Variants in TRIM38 observed in about 807,000 individuals in gnomAD.
The protein encoded by TRIM38 is tripartite motif containing 38.
Under a neutral mutation model 35.8 loss-of-function variants are expected in TRIM38, and 35 were observed. The observed-to-expected ratio is 0.98, with a 90% CI of 0.75 to 1.30. The LOEUF is 1.30. Among genes scored for constraint, TRIM38 ranks in the 50% most tolerant of loss-of-function variants. TRIM38 has a pLI of 0.00. For synonymous variants in TRIM38, 198 were observed against 204.7 expected, an observed-to-expected ratio of 0.97 and a Z score of 0.28; for missense variants, 545 against 556.9, an observed-to-expected ratio of 0.98 and a Z score of 0.21.
At chr6:25,967,727 T>C (rs1250785912) in intron 3 of TRIM38, among the ~76,000 whole-genome samples, 1 of 151,504 alleles carries the variant, frequency 6.6e-6, no homozygotes, top group African/African-American at 2.4e-5. Context: ...TGTAGAGACA[T>C]GGTCTGCCTT....
chr6:25,965,657 G>A (rs1334003221), intron 2 of TRIM38, among the ~76,000 whole-genome samples: 1 of 152,116 alleles, frequency 6.6e-6, no homozygotes, highest in Non-Finnish European at 1.5e-5. Flanking sequence ...TGGGCACGGT[G>A]GCTCATGCCT....
Position 25,966,397 on chromosome 6 carries a change from T to C in TRIM38, c.-126T>C, listed in dbSNP as rs1302775256. 1.0e-6 allele frequency: 1 copy of C among 979,284 alleles called. No individual in the cohort carries two copies. The highest frequency in any genetic ancestry group is 1.5e-6 in the Non-Finnish European group (1 of 687,716). The allele number at this position is 979,284 out of a possible 1,614,324, so 60.7% of individuals were successfully genotyped here. A position where few individuals can be genotyped will look rare whatever the true frequency, so the allele number is the denominator to read the frequency against. On this transcript the variant is annotated 5_prime_UTR_variant, in exon 3 of 8. It removes an upstream start codon present in the reference 5' UTR. Coordinates refer to ENST00000357085, the MANE Select transcript of TRIM38 (RefSeq NM_006355.5). ...TTGGAAGGAAAACCTTCAAGACCTATGGAAGTCAGTTGCAGCCAGCTCATC... is the reference window on the plus strand; with the variant it reads ...TTGGAAGGAAAACCTTCAAGACCTACGGAAGTCAGTTGCAGCCAGCTCATC...
chr6:25,972,590 T>C (rs921197437), intron 5 of TRIM38, among the ~76,000 whole-genome samples: 19 of 152,194 alleles, frequency 1.2e-4, no homozygotes, highest in African/African-American at 4.6e-4. Context: ...TATAGCATGA[T>C]TGCTTTACCA....
intron 3 of TRIM38, 114 bp from the exon 4 acceptor site, chr6:25,969,211 G>A (rs41266773): frequency 0.012 from 9,032 of 760,344 alleles, 83 homozygotes; most frequent in Non-Finnish European, 0.013. Context: ...AAACAATGAG[G>A]ACTCTATAAA....
At position 25,972,094 on chromosome 6, in the gene TRIM38, CT is replaced by C; in HGVS notation, c.734del (p.Leu245ArgfsTer4). On this transcript the variant is annotated frameshift_variant, in exon 5 of 8. Coordinates refer to ENST00000357085, the MANE Select transcript of TRIM38 (RefSeq NM_006355.5). LOFTEE classifies it high-confidence loss of function. ...EKCQGSAQKLLQNVNDTLSRS... is the reference protein window; with the variant it reads ...EKCQGSAQKLXQNVNDTLSRS... ...ATGTCAGGGCTCAGCCCAGAAATTGCTGCAGGTGAGGCTGTGTACTTGGAGT... is the reference window on the plus strand; with the variant it reads ...ATGTCAGGGCTCAGCCCAGAAATTGCGCAGGTGAGGCTGTGTACTTGGAGT... 1 of 1,613,966 alleles carries C rather than the reference CT, an allele frequency of 6.2e-7. No individual in the cohort carries two copies. The highest frequency in any genetic ancestry group is 1.3e-5 in the African/African-American group (1 of 75,020).
At chr6:25,969,543 C>A in intron 4 of TRIM38, 123 bp downstream of exon 4, 1 of 753,310 alleles carries the variant, frequency 1.3e-6, no homozygotes, top group Non-Finnish European at 2.0e-6. Flanking sequence ...AAATGAAACC[C>A]AAGGAAGAAA....
chr6:25,980,543 C>T (rs1267132589), intron 7 of TRIM38, among the ~76,000 whole-genome samples: 4 of 152,020 alleles, frequency 2.6e-5, no homozygotes, highest in Admixed American at 6.6e-5. Context: ...GCTTCAGCCT[C>T]CCAAGTAGCT....
chr6:25,970,715 C>T (rs1561898084), intron 4 of TRIM38, among the ~76,000 whole-genome samples: 1 of 152,176 alleles, frequency 6.6e-6, no homozygotes, highest in Non-Finnish European at 1.5e-5. Flanking sequence ...ATATCATAGT[C>T]ATCAAAACAC....
intron 7 of TRIM38, among the ~76,000 whole-genome samples, chr6:25,982,500 T>G (rs1344065715): frequency 6.6e-6 from 1 of 152,280 alleles, no homozygotes; most frequent in African/African-American, 2.4e-5. Context: ...ACTCTTAACT[T>G]GTCTTTTCTC....
At chr6:25,980,522 G>A (rs533174713) in intron 7 of TRIM38, among the ~76,000 whole-genome samples, 2 of 151,914 alleles carry the variant, frequency 1.3e-5, no homozygotes, top group South Asian at 4.2e-4. Context: ...CCCGGTTCAA[G>A]TGATTCTTGT....
rs772152686 is a variant in TRIM38, at chr6:25,965,179, T to C, written c.-188-1156T>C. On this transcript the variant is annotated intron_variant, in intron 2 of 7. Coordinates refer to ENST00000357085, the MANE Select transcript of TRIM38 (RefSeq NM_006355.5). ...TTCACACTCCCTGAGTTCTCTCTTT[T>C]ACAGCTTTTGTGAGGAAGCCTGCAT... Among the ~76,000 whole-genome samples the C allele has an allele frequency of 1.5e-4, 23 of 152,316 alleles. No individual in the cohort carries two copies. In the Middle Eastern group the frequency reaches 0.01, roughly 68 times the overall value.
Position 25,969,391 on chromosome 6 carries a change from T to C in TRIM38, c.478T>C (p.Ser160Pro). 13 of 1,611,254 alleles carry C rather than the reference T, an allele frequency of 8.1e-6. No homozygotes were observed. The highest frequency in any genetic ancestry group is 1.7e-4 in the Middle Eastern group (1 of 6,052). The change falls in exon 4 of 8, where the codon TCC (serine) becomes CCC (proline). Residue 160 changes from serine (S) to proline (P), a missense_variant. Ser to Pro is a moderately conservative substitution (Grantham distance 74, BLOSUM62 -1). Transcript: ENST00000357085. ...LEDRCTEQKL[S>P]TAMRITKWKE... ...AGACAGATGTACGGAGCAGAAGCTG[T>C]CCACAGCAATGCGAATAACTAAATG... is the stretch of plus-strand genomic sequence containing the variant.
Position 25,988,513 on chromosome 6 carries a change from T to TTTTTTTTTTTTTTTTTTTTTTTTTTTA in TRIM38, c.*4826_*4827insTTTTTTTTTTTTTTTTTTTTTTTTTTA, listed in dbSNP as rs70977249. ...TTTTCTTTCTTTTTTTTTTTTTTTT[T>TTTTTTTTTTTTTTTTTTTTTTTTTTTA]GAGACAGAGGAGTCTTGCTCTGTTG... is the stretch of plus-strand genomic sequence containing the variant. On this transcript the variant is annotated 3_prime_UTR_variant, in exon 8 of 8. Coordinates refer to ENST00000357085, the MANE Select transcript of TRIM38 (RefSeq NM_006355.5). 1 of 142,226 alleles carries TTTTTTTTTTTTTTTTTTTTTTTTTTTA rather than the reference T, an allele frequency of 7.0e-6. No individual in the cohort carries two copies. Among genetic ancestry groups the TTTTTTTTTTTTTTTTTTTTTTTTTTTA allele is most frequent in the African/African-American group, 2.6e-5 (1 of 38,000 alleles). The allele number at this position is 142,226 out of a possible 1,614,324, so 8.8% of individuals were successfully genotyped here.
At chr6:25,964,815 C>CTTCT (rs1554141712) in intron 2 of TRIM38, among the ~76,000 whole-genome samples, 2 of 145,582 alleles carry the variant, frequency 1.4e-5, no homozygotes, top group Non-Finnish European at 3.0e-5. Context: ...ACCAATTATT[C>CTTCT]TTTTTTTTTT....
rs1259308684 is a variant in TRIM38, at chr6:25,988,492, C to CTTTTTTTTTTTTTTTTT, written c.*4808_*4809insTTTTTTTTTTTTTTTTT. The CTTTTTTTTTTTTTTTTT allele has an allele frequency of 1.0e-4, 3 of 30,138 alleles. No homozygotes were observed. Among genetic ancestry groups the CTTTTTTTTTTTTTTTTT allele is most frequent in the African/African-American group, 2.0e-4 (1 of 5,118 alleles). The allele number at this position is 30,138 out of a possible 1,614,324, so 1.9% of individuals were successfully genotyped here. A position where few individuals can be genotyped will look rare whatever the true frequency, so the allele number is the denominator to read the frequency against. The stretch of plus-strand genomic sequence containing the variant: ...TCTTTTTCTTTTTCTTTTTTCTTTT[C>CTTTTTTTTTTTTTTTTT]TTTCTTTTTTTTTTTTTTTTTGAGA... On this transcript the variant is annotated 3_prime_UTR_variant, in exon 8 of 8. Coordinates refer to ENST00000357085, the MANE Select transcript of TRIM38 (RefSeq NM_006355.5).
At chr6:25,973,456 A>T in intron 7 of TRIM38, 171 bp downstream of exon 7, 1 of 985,368 alleles carries the variant, frequency 1.0e-6, no homozygotes, top group African/African-American at 1.7e-5. Flanking sequence ...AGTGAATGTG[A>T]TGAGCATTGC....
rs1166071469 is a variant in TRIM38, at chr6:25,988,485, T to C, written c.*4798T>C. The C allele has an allele frequency of 2.2e-5, 2 of 92,842 alleles. No homozygotes were observed. The highest frequency in any genetic ancestry group is 1.0e-4 in the African/African-American group (2 of 19,264). 5.8% of individuals were successfully genotyped at this position (92,842 alleles called of 1,614,324 possible). A position where few individuals can be genotyped will look rare whatever the true frequency, so the allele number is the denominator to read the frequency against. ...TTTCTTTTCTTTTTCTTTTTCTTTT[T>C]TCTTTTCTTTCTTTTTTTTTTTTTT... On this transcript the variant is annotated 3_prime_UTR_variant, in exon 8 of 8. Transcript: ENST00000357085.
intron 2 of TRIM38, among the ~76,000 whole-genome samples, chr6:25,964,925 C>T (rs899529720): frequency 5.9e-5 from 9 of 151,824 alleles, no homozygotes; most frequent in Admixed American, 5.9e-4. Flanking sequence ...CATTCTCCTT[C>T]CTCAGCCTCC....
rs1760609090 is a variant in TRIM38, at chr6:25,983,245, C to T, written c.956C>T (p.Thr319Ile). The part of the protein sequence containing the change: ...EDRRQVTRGY[T>I]QENQDTSSRR... The stretch of plus-strand genomic sequence containing the variant: ...CGGAGACAAGTGACTCGTGGATACA[C>T]CCAGGAGAATCAGGACACATCTTCC... The change falls in exon 8 of 8, where the codon ACC becomes ATC. Residue 319 changes from threonine to isoleucine, a missense_variant. Thr to Ile is a moderately conservative substitution (Grantham distance 89, BLOSUM62 -1). Transcript: ENST00000357085. 1.2e-6 allele frequency: 2 copies of T among 1,614,072 alleles called. No homozygotes were observed. Among genetic ancestry groups the T allele is most frequent in the Non-Finnish European group, 1.7e-6 (2 of 1,179,986 alleles).
Sources: gnomAD v4.1 joint callset for allele counts (sites outside exome capture counted in the v4.1 genomes callset) on GRCh38, gnomAD v4.1.1 for gene constraint, MANE v1.5 for transcripts, NCBI Gene and HGNC (gene_info 2026-07-23, HGNC 2026-07-21) for gene names.